The following KLHL12 variants were observed in gnomAD, a reference collection of about 807,000 sequenced individuals.
The protein encoded by KLHL12 is kelch like family member 12.
In KLHL12, 17 loss-of-function variants were observed where a neutral mutation model predicts 60.8. That is an observed-to-expected ratio of 0.28 (90% CI 0.19 to 0.42). The LOEUF is 0.42. Ranked by LOEUF, KLHL12 falls within the 10% of genes least tolerant of loss-of-function variation. KLHL12 has a pLI of 1.00. For synonymous variants in KLHL12, 220 were observed against 250.9 expected, an observed-to-expected ratio of 0.88 and a Z score of 1.16; for missense variants, 468 against 722.3, an observed-to-expected ratio of 0.65 and a Z score of 4.04.
Position 202,925,135 on chromosome 1 carries a change from T to G in KLHL12, c.28A>C (p.Ile10Leu), listed in dbSNP as rs766058465. 6.2e-7 allele frequency: 1 copy of G among 1,614,172 alleles called. No homozygotes were observed. The highest frequency in any genetic ancestry group is 1.7e-5 in the Admixed American group (1 of 60,024). The part of the protein sequence containing the change: MGGIMAPKD[I>L]MTNTHAKSIL... ...GATTTAGCATGAGTATTTGTCATTA[T>G]GTCTTTGGGGGCCATAATGCCTCCC... The change falls in exon 2 of 12, where the codon ATA becomes CTA. Residue 10 changes from isoleucine (I) to leucine (L), a missense_variant. Ile to Leu is a conservative substitution (Grantham distance 5). This residue lies in a region of KLHL12 where 61 missense variants were observed against 59.9 expected (regional missense o/e 1.02). Coordinates refer to ENST00000367261, the MANE Select transcript of KLHL12 (RefSeq NM_021633.4).
Position 202,892,677 on chromosome 1 carries a change from AAAAG to A in KLHL12, c.1581-22_1581-19del. 3 of 1,611,904 alleles carry A rather than the reference AAAAG, an allele frequency of 1.9e-6. No individual in the cohort carries two copies. The highest frequency in any genetic ancestry group is 2.5e-6 in the Non-Finnish European group (3 of 1,178,306). The stretch of plus-strand genomic sequence containing the variant: ...CATCATATCTGAGTGGGAAAGAAGC[AAAAG>A]AAAGAAATGAGTCAGCTGCGTGCAG... On this transcript the variant is annotated intron_variant, in intron 11 of 11. Coordinates refer to ENST00000367261, the MANE Select transcript of KLHL12 (RefSeq NM_021633.4).
chr1:202,905,968 CTT>C (rs71142574), intron 6 of KLHL12, among the ~76,000 whole-genome samples: 33 of 51,668 alleles, frequency 6.4e-4, no homozygotes, highest in African/African-American at 2.3e-3. Flanking sequence ...CCACACCTGG[CTT>C]TTTTTTTTTT....
chr1:202,901,676 T>C (rs531741096), intron 6 of KLHL12, among the ~76,000 whole-genome samples: 1 of 152,188 alleles, frequency 6.6e-6, no homozygotes, highest in South Asian at 2.1e-4. Flanking sequence ...TGTGAAGGAC[T>C]CTCTTCATTA....
At chr1:202,902,529 T>C (rs896715320) in intron 6 of KLHL12, among the ~76,000 whole-genome samples, 1 of 152,156 alleles carries the variant, frequency 6.6e-6, no homozygotes, top group Non-Finnish European at 1.5e-5. Context: ...TATGAATAAC[T>C]CTTTTAGTAC....
In KLHL12 at chr1:202,895,747, C is replaced by A; in HGVS notation, c.940-30G>T. 1 of 1,593,456 alleles carries A rather than the reference C, an allele frequency of 6.3e-7. No individual in the cohort carries two copies. The highest frequency in any genetic ancestry group is 8.6e-7 in the Non-Finnish European group (1 of 1,165,010). On this transcript the variant is annotated intron_variant, in intron 7 of 11. Coordinates refer to ENST00000367261, the MANE Select transcript of KLHL12 (RefSeq NM_021633.4). The surrounding 1 kb of genome is among the most constrained non-coding windows in gnomAD (Gnocchi z 4.2). ...GGATTTGGAGAGAAGAGGTACAGAG[C>A]ATTTCAGTTAGGCAAGTTTTGGGCC...
intron 6 of KLHL12, among the ~76,000 whole-genome samples, chr1:202,905,037 A>G (rs996085472): frequency 2.6e-5 from 4 of 152,188 alleles, no homozygotes; most frequent in African/African-American, 7.2e-5. Flanking sequence ...TGGGTAGAGG[A>G]CATGATGGTA....
rs765723956 is a variant in KLHL12, at chr1:202,894,762, A to G, written c.1136-13T>C. ...ACATAGATCATATCTGCTCAGAATA[A>G]ACAAATTACAGACTATTAGAGAATG... is the stretch of plus-strand genomic sequence containing the variant. On this transcript the variant is annotated splice_polypyrimidine_tract_variant and intron_variant, in intron 8 of 11. Coordinates refer to ENST00000367261, the MANE Select transcript of KLHL12 (RefSeq NM_021633.4). 5.6e-6 allele frequency: 9 copies of G among 1,607,498 alleles called. No individual in the cohort carries two copies. The highest frequency in any genetic ancestry group is 6.8e-6 in the Non-Finnish European group (8 of 1,174,066).
chr1:202,925,086 A>C lies in KLHL12; in HGVS notation c.77T>G (p.Leu26Arg). The change falls in exon 2 of 12, where the codon CTC becomes CGC. Residue 26 changes from leucine (L) to arginine (R), a missense_variant. Leu to Arg is a moderately radical substitution (Grantham distance 102). Transcript: ENST00000367261. ...ATCACAGAGGGTATTGCTCTTCCTG[A>C]GGGAGTTCATTGAATTGAGGATGGA... is the stretch of plus-strand genomic sequence containing the variant. ...AKSILNSMNS[L>R]RKSNTLCDVT... is the part of the protein sequence containing the mutation. The C allele has an allele frequency of 6.2e-7, 1 of 1,614,114 alleles. No homozygotes were observed. The highest frequency in any genetic ancestry group is 8.5e-7 in the Non-Finnish European group (1 of 1,180,034).
At chr1:202,913,628 G>A (rs1273848911) in intron 4 of KLHL12, among the ~76,000 whole-genome samples, 1 of 152,126 alleles carries the variant, frequency 6.6e-6, no homozygotes, top group Non-Finnish European at 1.5e-5. Flanking sequence ...CATAGGAAAG[G>A]TACTGGGGCT....
Position 202,909,835 on chromosome 1 carries a change from C to A in KLHL12, c.718-711G>T, listed in dbSNP as rs1368324142. Among the ~76,000 whole-genome samples the A allele has an allele frequency of 6.6e-6, 1 of 152,168 alleles. No homozygotes were observed. Among genetic ancestry groups the A allele is most frequent in the Non-Finnish European group, 1.5e-5 (1 of 68,030 alleles). On this transcript the variant is annotated intron_variant, in intron 5 of 11. Coordinates refer to ENST00000367261, the MANE Select transcript of KLHL12 (RefSeq NM_021633.4). This position sits in a 1 kb window ranked among gnomAD's most constrained non-coding sequence, Gnocchi z 4.1. The stretch of plus-strand genomic sequence containing the variant: ...CACTCCTCAACCTTGTCCCTTCAGG[C>A]TTAGGGGTTGTTAATAGCTTATGTC...
At chr1:202,903,629 C>CTTTTTTTTT (rs1220119536) in intron 6 of KLHL12, among the ~76,000 whole-genome samples, 10 of 76,090 alleles carry the variant, frequency 1.3e-4, no homozygotes, top group South Asian at 5.4e-4. Context: ...TTTTTCTTTT[C>CTTTTTTTTT]TTTTTTTTTT....
At position 202,925,147 on chromosome 1, in the gene KLHL12, C is replaced by T. The variant is rs1324971606; in HGVS notation, c.16G>A (p.Ala6Thr). 6.2e-7 allele frequency: 1 copy of T among 1,613,726 alleles called. No individual in the cohort carries two copies. Among genetic ancestry groups the T allele is most frequent in the East Asian group, 2.2e-5 (1 of 44,878 alleles). Residue 6 changes from alanine to threonine, a missense_variant, in exon 2 of 12, where the codon GCC becomes ACC. Coordinates refer to ENST00000367261, the MANE Select transcript of KLHL12 (RefSeq NM_021633.4). The stretch of plus-strand genomic sequence containing the variant: ...GTATTTGTCATTATGTCTTTGGGGG[C>T]CATAATGCCTCCCATAAAGCAGTGC... MGGIM[A>T]PKDIMTNTHA... is the part of the protein sequence containing the mutation.
chr1:202,908,362 A>G (rs998049514), intron 6 of KLHL12, among the ~76,000 whole-genome samples: 1 of 152,222 alleles, frequency 6.6e-6, no homozygotes, highest in African/African-American at 2.4e-5. Flanking sequence ...GCTAATACAC[A>G]TAGTTATTAT....
At chr1:202,912,389 C>A (rs1660389946) in intron 4 of KLHL12, 4 of 805,178 alleles carry the variant, frequency 5.0e-6, no homozygotes, top group Non-Finnish European at 8.7e-6. Flanking sequence ...CTTCATCCAG[C>A]CAAAGAAGTC....
rs370074115 is a variant in KLHL12 at position 202,894,478 on chromosome 1, C to T, written c.1294+113G>A. On this transcript the variant is annotated intron_variant, in intron 9 of 11. Transcript: ENST00000367261. ...TAATGGAAAATATATTAAGACACAC[C>T]AGGGTTTTAGTTGAAGGGAAGTCTA... The T allele has an allele frequency of 6.6e-5, 70 of 1,065,988 alleles. No homozygotes were observed. In the East Asian group the frequency reaches 6.9e-4, roughly 10 times the overall value. The allele number at this position is 1,065,988 out of a possible 1,614,324, so 66.0% of individuals were successfully genotyped here. A position where few individuals can be genotyped will look rare whatever the true frequency, so the allele number is the denominator to read the frequency against.
At chr1:202,900,222 AC>A (rs543986883) in intron 6 of KLHL12, among the ~76,000 whole-genome samples, 194 of 111,074 alleles carry the variant, frequency 1.7e-3, no homozygotes, top group African/African-American at 6.0e-3. Flanking sequence ...TCCCTGCCCC[AC>A]CCCCCAACCC....
chr1:202,892,408 T>TG lies in KLHL12; in HGVS notation c.*124dup. ...TGTGTCAAATAAGTACAATCATCACTGCACTGGTGCCTGTAATCACCCGGT... is the reference window on the plus strand; with the variant it reads ...TGTGTCAAATAAGTACAATCATCACTGGCACTGGTGCCTGTAATCACCCGGT... On this transcript the variant is annotated 3_prime_UTR_variant, in exon 12 of 12. Coordinates refer to ENST00000367261, the MANE Select transcript of KLHL12 (RefSeq NM_021633.4). 1 of 1,060,244 alleles carries TG rather than the reference T, an allele frequency of 9.4e-7. No individual in the cohort carries two copies. Among genetic ancestry groups the TG allele is most frequent in the South Asian group, 1.5e-5 (1 of 65,368 alleles). The allele number at this position is 1,060,244 out of a possible 1,614,324, so 65.7% of individuals were successfully genotyped here.
At position 202,893,353 on chromosome 1, in the gene KLHL12, G is replaced by A. The variant is rs1431934351; in HGVS notation, c.1466C>T (p.Ser489Phe). Reference sequence around the variant, plus strand: ...AGTGCGAATGTTGTATGCTTCAACGGAAGAAAGGTGGGCTGTACCATCAAA... The same window carrying A: ...AGTGCGAATGTTGTATGCTTCAACGAAAGAAAGGTGGGCTGTACCATCAAA... Reference protein sequence around the residue: ...GGFDGTAHLSSVEAYNIRTDS... With the variant: ...GGFDGTAHLSFVEAYNIRTDS... Residue 489 changes from serine to phenylalanine, a missense_variant, in exon 11 of 12, where the codon TCC (serine) becomes TTC (phenylalanine). Transcript: ENST00000367261. The surrounding 1 kb of genome is among the most constrained non-coding windows in gnomAD (Gnocchi z 4.1). 1 of 1,613,952 alleles carries A rather than the reference G, an allele frequency of 6.2e-7. No homozygotes were observed. Among genetic ancestry groups the A allele is most frequent in the Non-Finnish European group, 8.5e-7 (1 of 1,179,958 alleles).
intron 4 of KLHL12, among the ~76,000 whole-genome samples, chr1:202,916,530 G>A (rs1002064193): frequency 1.3e-5 from 2 of 150,618 alleles, no homozygotes; most frequent in Non-Finnish European, 3.0e-5. Context: ...TGTAGTCCCA[G>A]CTACCTGGGA....
Sources: gnomAD v4.1 joint callset for allele counts (sites outside exome capture counted in the v4.1 genomes callset) on GRCh38, gnomAD v4.1.1 for gene constraint, gnomAD v4.1.1 regional missense constraint, Gnocchi (gnomAD v3.1) non-coding constraint, MANE v1.5 for transcripts, NCBI Gene and HGNC (gene_info 2026-07-23, HGNC 2026-07-21) for gene names.